Variants in TENM4 observed in about 807,000 individuals in gnomAD.
The protein encoded by TENM4 is teneurin-4.
TENM4 carries 82 observed loss-of-function variants against 243.3 expected under a neutral mutation model. The ratio of observed to expected loss-of-function variants is 0.34; its 90% CI spans 0.28 to 0.40. The LOEUF (loss-of-function observed/expected upper bound fraction) is 0.40, where lower values mean the gene tolerates loss of function less well. Ranked by LOEUF, TENM4 falls within the 10% of genes least tolerant of loss-of-function variation. TENM4 has a pLI of 1.00. For synonymous variants in TENM4, 1,412 were observed against 1,456.3 expected (o/e 0.97, Z 0.69); for missense variants, 3,138 against 3,673.3 (o/e 0.85, Z 3.77).
chr11:79,170,487 G>C (rs376814802), intron 3 of TENM4, among the ~76,000 whole-genome samples: 3 of 152,220 alleles, frequency 2.0e-5, no homozygotes, highest in African/African-American at 7.2e-5. Flanking sequence ...AATTAGTTTA[G>C]TTAGGATGAG....
intron 9 of TENM4, among the ~76,000 whole-genome samples, chr11:78,873,047 T>C (rs1167426901): frequency 1.3e-5 from 2 of 152,226 alleles, no homozygotes; most frequent in Non-Finnish European, 2.9e-5. Context: ...AAAATAGCAC[T>C]TTAAAATCAC....
At chr11:79,222,412 G>T (rs1864179566) in intron 2 of TENM4, among the ~76,000 whole-genome samples, 2 of 152,128 alleles carry the variant, frequency 1.3e-5, no homozygotes, top group Admixed American at 6.6e-5. Flanking sequence ...ATCATTGATG[G>T]GCATTTGGGT....
At chr11:78,840,177 G>T (rs17137235) in intron 12 of TENM4, among the ~76,000 whole-genome samples, 1,723 of 152,208 alleles carry the variant, frequency 0.011, 25 homozygotes, top group African/African-American at 0.039. Flanking sequence ...AAGGAATAGC[G>T]TGCACTTACA....
At chr11:79,214,235 T>C (rs1277197363) in intron 3 of TENM4, among the ~76,000 whole-genome samples, 1 of 152,172 alleles carries the variant, frequency 6.6e-6, no homozygotes, top group Non-Finnish European at 1.5e-5. Context: ...CCTCAAGTGA[T>C]CTACCCGCCT....
At position 78,669,040 on chromosome 11, in the gene TENM4, C is replaced by G; in HGVS notation, c.7305G>C (p.Leu2435=). The G allele has an allele frequency of 6.2e-7, 1 of 1,613,968 alleles. No individual in the cohort carries two copies. Among genetic ancestry groups the G allele is most frequent in the Non-Finnish European group, 8.5e-7 (1 of 1,179,892 alleles). ...AGRWTSPDHE[L]WKHLSSSNVM... ...CGTTGCTGCTACTAAGGTGCTTCCA[C>G]AGCTCGTGGTCTGGGCTAGTCCAGC... is the stretch of plus-strand genomic sequence containing the variant. Residue 2435 remains leucine (L), a synonymous_variant, in exon 32 of 34, where the codon CTG becomes CTC. Coordinates refer to ENST00000278550, the MANE Select transcript of TENM4 (RefSeq NM_001098816.3). This position sits in a 1 kb window ranked among gnomAD's most constrained non-coding sequence, Gnocchi z 6.4.
rs1390179278 is a variant in TENM4 at position 79,069,832 on chromosome 11, G to A, written c.113C>T (p.Ser38Leu). ...CTTCAGGGTCTCGCTGGAGCTGTAC[G>A]ATTTCTGCGGGGCTTTGCCCTCCTC... ...DSEEGKAPQK[S>L]YSSSETLKAY... The change falls in exon 5 of 34, where the codon TCG becomes TTG. Residue 38 changes from serine to leucine, a missense_variant. By Grantham distance (145) the Ser-to-Leu change is moderately radical. Around this residue, in one of 2 missense-constraint regions of TENM4, gnomAD observed 671 missense variants for 614.1 expected, o/e 1.09. Transcript: ENST00000278550. 1.3e-6 allele frequency: 2 copies of A among 1,550,774 alleles called. No individual in the cohort carries two copies. The highest frequency in any genetic ancestry group is 1.7e-6 in the Non-Finnish European group (2 of 1,146,904).
chr11:78,844,775 C>T (rs1591065951), intron 12 of TENM4, among the ~76,000 whole-genome samples: 1 of 152,140 alleles, frequency 6.6e-6, no homozygotes, highest in Non-Finnish European at 1.5e-5. Context: ...CACCAGAAAC[C>T]AACCCTGCCA....
At chr11:78,776,380 T>C (rs1856740796) in intron 17 of TENM4, among the ~76,000 whole-genome samples, 1 of 152,194 alleles carries the variant, frequency 6.6e-6, no homozygotes, top group Non-Finnish European at 1.5e-5. Context: ...GTTGGAATTA[T>C]TGGTTTTAGT....
chr11:78,700,765 G>A (rs1460244386), intron 28 of TENM4, among the ~76,000 whole-genome samples: 1 of 152,168 alleles, frequency 6.6e-6, no homozygotes, highest in Non-Finnish European at 1.5e-5. Context: ...AATAAATAGT[G>A]ACACCACAGC....
chr11:79,060,856 G>A (rs1015013668), intron 6 of TENM4, among the ~76,000 whole-genome samples: 2 of 152,184 alleles, frequency 1.3e-5, no homozygotes, highest in African/African-American at 2.4e-5. Context: ...CTACCCCTGA[G>A]AAGTGACCAC....
chr11:78,779,426 A>G (rs1856800036), intron 16 of TENM4, among the ~76,000 whole-genome samples: 2 of 152,208 alleles, frequency 1.3e-5, no homozygotes, highest in African/African-American at 4.8e-5. Context: ...GAGGGGTTGT[A>G]TCCAAGCCTT....
intron 6 of TENM4, among the ~76,000 whole-genome samples, chr11:78,972,437 C>T (rs981852265): frequency 2.0e-5 from 3 of 152,074 alleles, no homozygotes; most frequent in African/African-American, 7.2e-5. Context: ...TGATCTCTAG[C>T]TTTCCTCCTC....
intron 4 of TENM4, among the ~76,000 whole-genome samples, chr11:79,143,047 G>C (rs1862320644): frequency 6.6e-6 from 1 of 152,100 alleles, no homozygotes; most frequent in South Asian, 2.1e-4. Context: ...AGAGGATGTG[G>C]AGAAATAGGA....
chr11:79,391,002 G>A (rs1858221904), intron 1 of TENM4, among the ~76,000 whole-genome samples: 1 of 152,182 alleles, frequency 6.6e-6, no homozygotes, highest in East Asian at 1.9e-4. Context: ...CCTGGCTTTA[G>A]TGGACATGGT....
At chr11:78,713,922 T>C (rs1307016414) in intron 25 of TENM4, among the ~76,000 whole-genome samples, 1 of 152,140 alleles carries the variant, frequency 6.6e-6, no homozygotes, top group Admixed American at 6.5e-5. Context: ...GGTCTGAACA[T>C]TTGCCGGGCC....
chr11:79,333,622 A>G (rs565696519), intron 1 of TENM4, among the ~76,000 whole-genome samples: 1 of 152,278 alleles, frequency 6.6e-6, no homozygotes, highest in East Asian at 1.9e-4. Flanking sequence ...TTTCAACCAA[A>G]ACCATAACAA....
intron 32 of TENM4, among the ~76,000 whole-genome samples, chr11:78,662,950 A>G (rs1858068198): frequency 6.6e-6 from 1 of 152,248 alleles, no homozygotes; most frequent in South Asian, 2.1e-4. Flanking sequence ...CCCTTCAGGC[A>G]AAGATGACTA....
At position 78,889,905 on chromosome 11, in the gene TENM4, T is replaced by C; in HGVS notation, c.964A>G (p.Thr322Ala). 6.4e-7 allele frequency: 1 copy of C among 1,551,510 alleles called. No homozygotes were observed. The highest frequency in any genetic ancestry group is 8.7e-7 in the Non-Finnish European group (1 of 1,146,940). The part of the protein sequence containing the change: ...SPPPRPLPRS[T>A]FARPAFNLKK... Reference sequence around the variant, plus strand: ...AGGTTAAAGGCCGGCCGGGCGAAGGTGCTGCGGGGCAGGGGTCGGGGCGGA... The same window carrying C: ...AGGTTAAAGGCCGGCCGGGCGAAGGCGCTGCGGGGCAGGGGTCGGGGCGGA... The change falls in exon 9 of 34, where the codon ACC becomes GCC. Residue 322 changes from threonine (T) to alanine (A), a missense_variant. Around this residue, in one of 2 missense-constraint regions of TENM4, gnomAD observed 671 missense variants for 614.1 expected, o/e 1.09. Coordinates refer to ENST00000278550, the MANE Select transcript of TENM4 (RefSeq NM_001098816.3).
At chr11:78,689,773 G>T (rs1858773871) in intron 28 of TENM4, among the ~76,000 whole-genome samples, 1 of 152,148 alleles carries the variant, frequency 6.6e-6, no homozygotes, top group South Asian at 2.1e-4. Flanking sequence ...CCTGAGCCTG[G>T]CACAGATCAC....
Sources: allele counts gnomAD v4.1 joint callset (sites outside exome capture counted in the v4.1 genomes callset), GRCh38; gene constraint gnomAD v4.1.1; regional missense constraint gnomAD v4.1.1; non-coding constraint Gnocchi (gnomAD v3.1); transcripts MANE v1.5; gene names NCBI Gene and HGNC (gene_info 2026-07-23, HGNC 2026-07-21).